The following CALHM5 variants were observed in gnomAD, a reference collection of about 807,000 sequenced individuals.
CALHM5 encodes the protein calcium homeostasis modulator protein 5.
CALHM5 carries 17 observed loss-of-function variants against 20.9 expected under a neutral mutation model. The observed-to-expected ratio is 0.82, with a 90% CI of 0.56 to 1.22. The LOEUF (loss-of-function observed/expected upper bound fraction) is 1.22. CALHM5 is among the 50% of genes most tolerant of loss of function. The probability of loss-of-function intolerance (pLI) is 0.00; values close to 1 mark genes in which losing one functional copy is unlikely to be tolerated. For synonymous variants in CALHM5, 148 were observed against 140.0 expected, an observed-to-expected ratio of 1.06 and a Z score of -0.40; for missense variants, 360 against 364.6, an observed-to-expected ratio of 0.99 and a Z score of 0.10.
At chr6:116,512,583 G>A (rs767357791) in intron 1 of CALHM5, among the ~76,000 whole-genome samples, 1 of 152,196 alleles carries the variant, frequency 6.6e-6, no homozygotes, top group Non-Finnish European at 1.5e-5. Flanking sequence ...GCTGTAATTA[G>A]AAATTACTGC....
In CALHM5 at chr6:116,520,219, G is replaced by A. The variant is rs776948583; in HGVS notation, c.*4230G>A. On this transcript the variant is annotated 3_prime_UTR_variant, in exon 2 of 2. Coordinates refer to ENST00000368599, the MANE Select transcript of CALHM5 (RefSeq NM_153711.5). ...TCTAAAAACTGGTTAAAGCAATCCAGAAGTCACTGGGTAGCAGAAAACTGC... is the reference window on the plus strand; with the variant it reads ...TCTAAAAACTGGTTAAAGCAATCCAAAAGTCACTGGGTAGCAGAAAACTGC... 6.6e-6 allele frequency: 1 copy of A among 152,170 alleles called. No individual in the cohort carries two copies. The highest frequency in any genetic ancestry group is 1.5e-5 in the Non-Finnish European group (1 of 68,028). The allele number at this position is 152,170 out of a possible 1,614,324, so 9.4% of individuals were successfully genotyped here.
In CALHM5 at chr6:116,519,373, G is replaced by C. The variant is rs1407073; in HGVS notation, c.*3384G>C. On this transcript the variant is annotated 3_prime_UTR_variant, in exon 2 of 2. Transcript: ENST00000368599. The stretch of plus-strand genomic sequence containing the variant: ...AATGTCAGATTTCTCCTGATCCCAA[G>C]TGTGCTCTGGGGCTTCCATTGCAGC... 143,915 of 152,348 alleles carry C rather than the reference G, an allele frequency of 0.94. 68,074 individuals carry two copies. The highest frequency in any genetic ancestry group is 0.99 in the African/African-American group (41,069 of 41,576). 9.4% of individuals were successfully genotyped at this position (152,348 alleles called of 1,614,324 possible). A position where few individuals can be genotyped will look rare whatever the true frequency, so the allele number is the denominator to read the frequency against.
intron 1 of CALHM5, among the ~76,000 whole-genome samples, chr6:116,513,890 A>G (rs773087484): frequency 6.6e-6 from 1 of 152,212 alleles, no homozygotes; most frequent in Non-Finnish European, 1.5e-5. Flanking sequence ...TGATGCTACC[A>G]ATCACCAGCT....
Position 116,520,330 on chromosome 6 carries a change from A to G in CALHM5, c.*4341A>G, listed in dbSNP as rs775863054. On this transcript the variant is annotated 3_prime_UTR_variant, in exon 2 of 2. Transcript: ENST00000368599. ...GACTTTGGTGGTTCCGAATTCTCTA[A>G]GGTAATTATCTTAATTTTCTAATAT... 6.6e-5 allele frequency: 10 copies of G among 152,198 alleles called. No individual in the cohort carries two copies. The highest frequency in any genetic ancestry group is 9.6e-5 in the African/African-American group (4 of 41,454). 9.4% of individuals were successfully genotyped at this position (152,198 alleles called of 1,614,324 possible).
rs1192736005 is a variant in CALHM5, at chr6:116,523,233, C to G, written c.*7244C>G. On this transcript the variant is annotated 3_prime_UTR_variant, in exon 2 of 2. Coordinates refer to ENST00000368599, the MANE Select transcript of CALHM5 (RefSeq NM_153711.5). ...CAGCCCGTCCAAGATTTTGGGGTGC[C>G]TTTCCATTCATTCAAGGATACCTTT... The G allele has an allele frequency of 5.3e-5, 8 of 152,098 alleles. No individual in the cohort carries two copies. 9.4% of individuals were successfully genotyped at this position (152,098 alleles called of 1,614,324 possible). A position where few individuals can be genotyped will look rare whatever the true frequency, so the allele number is the denominator to read the frequency against.
rs1430002326 is a variant in CALHM5 at position 116,520,133 on chromosome 6, A to C, written c.*4144A>C. 3 of 152,194 alleles carry C rather than the reference A, an allele frequency of 2.0e-5. No homozygotes were observed. Among genetic ancestry groups the C allele is most frequent in the Non-Finnish European group, 4.4e-5 (3 of 68,034 alleles). 9.4% of individuals were successfully genotyped at this position (152,194 alleles called of 1,614,324 possible). ...ACTAAAAATGTATACATTTAATGAG[A>C]AAACGATGACATTATTGATTCAAAT... On this transcript the variant is annotated 3_prime_UTR_variant, in exon 2 of 2. Transcript: ENST00000368599.
In CALHM5 at chr6:116,515,949, A is replaced by C. The variant is rs777634595; in HGVS notation, c.890A>C (p.Glu297Ala). ...CTGCAACTTAGCCCTGAGGATGATG[A>C]GACGACAATGGTCCTTGTGGGTACT... is the stretch of plus-strand genomic sequence containing the variant. ...NGLQLSPEDDETTMVLVGTAH... is the reference protein window; with the variant it reads ...NGLQLSPEDDATTMVLVGTAH... The change falls in exon 2 of 2, where the codon GAG becomes GCG. Residue 297 changes from glutamate to alanine, a missense_variant. Transcript: ENST00000368599. The C allele has an allele frequency of 4.3e-6, 7 of 1,611,266 alleles. No individual in the cohort carries two copies. The highest frequency in any genetic ancestry group is 5.1e-6 in the Non-Finnish European group (6 of 1,177,962).
In CALHM5 at chr6:116,522,740, T is replaced by C. The variant is rs1024407314; in HGVS notation, c.*6751T>C. ...GGTTTCAGACTAGGCTGGCCTTCAG[T>C]AAGCTGGAAAGAGATTGTTCTTCTA... On this transcript the variant is annotated 3_prime_UTR_variant, in exon 2 of 2. Coordinates refer to ENST00000368599, the MANE Select transcript of CALHM5 (RefSeq NM_153711.5). 2.0e-5 allele frequency: 3 copies of C among 152,172 alleles called. No individual in the cohort carries two copies. The highest frequency in any genetic ancestry group is 4.8e-5 in the African/African-American group (2 of 41,450). The allele number at this position is 152,172 out of a possible 1,614,324, so 9.4% of individuals were successfully genotyped here.
chr6:116,517,856 G>C lies in CALHM5; in HGVS notation c.*1867G>C, dbSNP rs1370636936. Reference sequence around the variant, plus strand: ...AGGAAGAGGGGCTGAAGGTTGAGTCGATCACAAATGGATAATGATTTAATC... The same window carrying C: ...AGGAAGAGGGGCTGAAGGTTGAGTCCATCACAAATGGATAATGATTTAATC... On this transcript the variant is annotated 3_prime_UTR_variant, in exon 2 of 2. Transcript: ENST00000368599. 6.6e-6 allele frequency: 1 copy of C among 152,082 alleles called. No individual in the cohort carries two copies. The highest frequency in any genetic ancestry group is 2.4e-5 in the African/African-American group (1 of 41,392). The allele number at this position is 152,082 out of a possible 1,614,324, so 9.4% of individuals were successfully genotyped here.
Position 116,517,978 on chromosome 6 carries a change from G to A in CALHM5, c.*1989G>A, listed in dbSNP as rs563634719. On this transcript the variant is annotated 3_prime_UTR_variant, in exon 2 of 2. Transcript: ENST00000368599. ...ATACATGAGGAGTGGTGAGCCCAAA[G>A]GGGCCGTGGAAGCTCCGTGCCCCTT... 1 of 152,408 alleles carries A rather than the reference G, an allele frequency of 6.6e-6. No homozygotes were observed. Among genetic ancestry groups the A allele is most frequent in the South Asian group, 2.1e-4 (1 of 4,834 alleles). The allele number at this position is 152,408 out of a possible 1,614,324, so 9.4% of individuals were successfully genotyped here.
At position 116,522,644 on chromosome 6, in the gene CALHM5, C is replaced by T. The variant is rs1772365622; in HGVS notation, c.*6655C>T. On this transcript the variant is annotated 3_prime_UTR_variant, in exon 2 of 2. Transcript: ENST00000368599. Reference sequence around the variant, plus strand: ...AATTTTTGTTTGAAAGGAATACAAACATATTATTGGGAGGAGTAACACATT... The same window carrying T: ...AATTTTTGTTTGAAAGGAATACAAATATATTATTGGGAGGAGTAACACATT... The T allele has an allele frequency of 6.6e-6, 1 of 152,098 alleles. No individual in the cohort carries two copies. Among genetic ancestry groups the T allele is most frequent in the Non-Finnish European group, 1.5e-5 (1 of 68,002 alleles). The allele number at this position is 152,098 out of a possible 1,614,324, so 9.4% of individuals were successfully genotyped here.
Position 116,519,759 on chromosome 6 carries a change from T to C in CALHM5, c.*3770T>C, listed in dbSNP as rs1772295842. 1 of 152,230 alleles carries C rather than the reference T, an allele frequency of 6.6e-6. No homozygotes were observed. Among genetic ancestry groups the C allele is most frequent in the Non-Finnish European group, 1.5e-5 (1 of 68,046 alleles). 9.4% of individuals were successfully genotyped at this position (152,230 alleles called of 1,614,324 possible). ...GTGATGCTTTCCCATACAAGGAATA[T>C]ACTCAAGGAAAAATTTCATGGCACA... On this transcript the variant is annotated 3_prime_UTR_variant, in exon 2 of 2. Coordinates refer to ENST00000368599, the MANE Select transcript of CALHM5 (RefSeq NM_153711.5).
chr6:116,515,205 G>A (rs1772199111), intron 1 of CALHM5, among the ~76,000 whole-genome samples: 1 of 152,136 alleles, frequency 6.6e-6, no homozygotes, highest in African/African-American at 2.4e-5. Context: ...GCCTAAAAAT[G>A]CCTGGCTGAA....
rs1772129593 is a variant in CALHM5, at chr6:116,511,940, G to A, written c.244G>A (p.Val82Met). 2 of 1,613,986 alleles carry A rather than the reference G, an allele frequency of 1.2e-6. No individual in the cohort carries two copies. The highest frequency in any genetic ancestry group is 1.7e-6 in the Non-Finnish European group (2 of 1,179,992). The change falls in exon 1 of 2, where the codon GTG becomes ATG. Residue 82 changes from valine (V) to methionine (M), a missense_variant. Val to Met is a conservative substitution (Grantham distance 21). Coordinates refer to ENST00000368599, the MANE Select transcript of CALHM5 (RefSeq NM_153711.5). ...GTGGAGACTCTTCACAGGCTGCTGT[G>A]TGAATCCCAGGAAAATCTTTCCCAG... ...RSWRLFTGCC[V>M]NPRKIFPRGH...
Position 116,518,888 on chromosome 6 carries a change from A to G in CALHM5, c.*2899A>G, listed in dbSNP as rs969037687. On this transcript the variant is annotated 3_prime_UTR_variant, in exon 2 of 2. Coordinates refer to ENST00000368599, the MANE Select transcript of CALHM5 (RefSeq NM_153711.5). ...GTTGCTGCAGCTTAGTAAGTAGCAG[A>G]AGAGCTCATCCTCCTCCTCTGGAAG... 3.3e-5 allele frequency: 5 copies of G among 152,246 alleles called. No homozygotes were observed. The highest frequency in any genetic ancestry group is 7.3e-5 in the Non-Finnish European group (5 of 68,054). 9.4% of individuals were successfully genotyped at this position (152,246 alleles called of 1,614,324 possible). A position where few individuals can be genotyped will look rare whatever the true frequency, so the allele number is the denominator to read the frequency against.
Position 116,515,737 on chromosome 6 carries a change from G to A in CALHM5, c.678G>A (p.Leu226=), listed in dbSNP as rs976386204. The part of the protein sequence containing the change: ...KTYAQKEKEQ[L]ENTFLDYANK... ...ATGCACAAAAGGAGAAGGAGCAGTT[G>A]GAAAATACATTTCTGGACTATGCCA... is the stretch of plus-strand genomic sequence containing the variant. The change falls in exon 2 of 2, where the codon TTG becomes TTA. Residue 226 remains leucine, a synonymous_variant. Coordinates refer to ENST00000368599, the MANE Select transcript of CALHM5 (RefSeq NM_153711.5). 2.8e-5 allele frequency: 45 copies of A among 1,613,878 alleles called. No individual in the cohort carries two copies. The highest frequency in any genetic ancestry group is 3.7e-5 in the Non-Finnish European group (44 of 1,179,932).
At chr6:116,513,505 T>G (rs1304061401) in intron 1 of CALHM5, among the ~76,000 whole-genome samples, 1 of 152,192 alleles carries the variant, frequency 6.6e-6, no homozygotes, top group African/African-American at 2.4e-5. Context: ...TTGTGTGAGC[T>G]TCTCCTCTCT....
rs890811497 is a variant in CALHM5 at position 116,523,935 on chromosome 6, T to C, written c.*7946T>C. 2 of 152,214 alleles carry C rather than the reference T, an allele frequency of 1.3e-5. No individual in the cohort carries two copies. Among genetic ancestry groups the C allele is most frequent in the African/African-American group, 2.4e-5 (1 of 41,466 alleles). The allele number at this position is 152,214 out of a possible 1,614,324, so 9.4% of individuals were successfully genotyped here. A position where few individuals can be genotyped will look rare whatever the true frequency, so the allele number is the denominator to read the frequency against. ...TAAGTGACTTAATAACCAGATATGC[T>C]ATATAGACCTTATTTGTATCCTGTT... On this transcript the variant is annotated 3_prime_UTR_variant, in exon 2 of 2. Coordinates refer to ENST00000368599, the MANE Select transcript of CALHM5 (RefSeq NM_153711.5).
chr6:116,512,008 T>TCTGA lies in CALHM5; in HGVS notation c.313_316dup (p.Ser106ThrfsTer22). 6.2e-7 allele frequency: 1 copy of TCTGA among 1,614,020 alleles called. No homozygotes were observed. Among genetic ancestry groups the TCTGA allele is most frequent in the Non-Finnish European group, 8.5e-7 (1 of 1,179,960 alleles). ...TCTTCTACGTCCTCGGCCAGATCAC[T>TCTGA]CTGAGCTCATTGGTGGCTCCAGTGA... On this transcript the variant is annotated frameshift_variant, in exon 1 of 2. Transcript: ENST00000368599. LOFTEE classifies it high-confidence loss of function.
Sources: gnomAD v4.1 joint callset for allele counts (sites outside exome capture counted in the v4.1 genomes callset) on GRCh38, gnomAD v4.1.1 for gene constraint, MANE v1.5 for transcripts, NCBI Gene and HGNC (gene_info 2026-07-23, HGNC 2026-07-21) for gene names.